Variants in TEX14 observed in about 807,000 individuals in gnomAD.
The protein encoded by TEX14 is testis expressed 14, intercellular bridge forming factor, also known as inactive serine/threonine-protein kinase TEX14.
TEX14 carries 168 observed loss-of-function variants against 178.6 expected under a neutral mutation model. That is an observed-to-expected ratio of 0.94 (90% CI 0.83 to 1.07). The LOEUF (loss-of-function observed/expected upper bound fraction) is 1.07, where lower values mean the gene tolerates loss of function less well. Among genes scored for constraint, TEX14 ranks in the 50% least tolerant of loss-of-function variants. The pLI is 0.00. For missense variants in TEX14, 1,730 were observed against 1,753.6 expected, an observed-to-expected ratio of 0.99 and a Z score of 0.24; for synonymous variants, 626 against 634.1, an observed-to-expected ratio of 0.99 and a Z score of 0.19.
intron 13 of TEX14, among the ~76,000 whole-genome samples, chr17:58,600,177 A>G (rs750109181): frequency 1.3e-5 from 2 of 152,128 alleles, no homozygotes; most frequent in Admixed American, 6.5e-5. Context: ...TTTTCACACA[A>G]AAGAGTTTGA....
chr17:58,649,856 C>T (rs2046802098), intron 2 of TEX14, among the ~76,000 whole-genome samples: 1 of 152,126 alleles, frequency 6.6e-6, no homozygotes, highest in Non-Finnish European at 1.5e-5. Flanking sequence ...TCTCCTGCCT[C>T]GGCCTCCCCA....
intron 29 of TEX14, among the ~76,000 whole-genome samples, chr17:58,560,437 A>C (rs1304441811): frequency 1.3e-5 from 2 of 152,212 alleles, no homozygotes; most frequent in African/African-American, 4.8e-5. Flanking sequence ...CCACTGCCTG[A>C]GCAGCAGTAA....
chr17:58,621,646 T>G lies in TEX14; in HGVS notation c.554+4A>C. On this transcript the variant is annotated splice_donor_region_variant and intron_variant, in intron 5 of 31. Transcript: ENST00000349033. ...TATCCCACTCTGCTCAAGGCAGTAC[T>G]CACCCCTGCACGAGGCCCCCACACC... is the stretch of plus-strand genomic sequence containing the variant. The G allele has an allele frequency of 6.2e-7, 1 of 1,612,348 alleles. No homozygotes were observed. Among genetic ancestry groups the G allele is most frequent in the Non-Finnish European group, 8.5e-7 (1 of 1,179,192 alleles).
chr17:58,585,435 A>T (rs959404190), intron 18 of TEX14, among the ~76,000 whole-genome samples: 1 of 151,696 alleles, frequency 6.6e-6, no homozygotes, highest in Non-Finnish European at 1.5e-5. Context: ...AGAGCTGATA[A>T]CTTTTTTTTA....
At chr17:58,576,427 T>C (rs151022592) in intron 21 of TEX14, among the ~76,000 whole-genome samples, 27 of 151,472 alleles carry the variant, frequency 1.8e-4, no homozygotes, top group African/African-American at 6.6e-4. Context: ...GAGGTTGCAG[T>C]GAGCTGAGAT....
chr17:58,567,175 GAAAAAGGAAA>G (rs367569999), intron 26 of TEX14, among the ~76,000 whole-genome samples: 6 of 152,208 alleles, frequency 3.9e-5, no homozygotes, highest in African/African-American at 1.4e-4. Context: ...CAAAGGAAAG[GAAAAAGGAAA>G]GGAAAGGAAA....
chr17:58,682,477 C>G (rs1030213472), intron 1 of TEX14, among the ~76,000 whole-genome samples: 1 of 151,916 alleles, frequency 6.6e-6, no homozygotes, highest in Non-Finnish European at 1.5e-5. Flanking sequence ...AGGCTGGTCT[C>G]GAACTCCTGA....
At chr17:58,655,284 A>C (rs2046930122) in intron 1 of TEX14, among the ~76,000 whole-genome samples, 1 of 151,924 alleles carries the variant, frequency 6.6e-6, no homozygotes, top group African/African-American at 2.4e-5. Context: ...CCCGGGTTCA[A>C]GCGATTCTCC....
chr17:58,590,881 GT>G (rs763729214), intron 15 of TEX14, among the ~76,000 whole-genome samples: 62 of 144,984 alleles, frequency 4.3e-4, no homozygotes, highest in South Asian at 6.6e-4. Flanking sequence ...AGTTTACAGG[GT>G]TTTTTTTTTT....
intron 3 of TEX14, among the ~76,000 whole-genome samples, chr17:58,623,813 GAGGGA>G (rs2046064626): frequency 7.1e-6 from 1 of 141,838 alleles, no homozygotes; most frequent in South Asian, 2.4e-4. Flanking sequence ...GGAGGAGGGG[GAGGGA>G]AGGGGAGGGG....
chr17:58,574,675 C>CAAA lies in TEX14; in HGVS notation c.3321-429_3321-427dup, dbSNP rs1177255314. Among the ~76,000 whole-genome samples the CAAA allele has an allele frequency of 7.7e-3, 339 of 43,836 alleles. 56 individuals are homozygous for CAAA. The highest frequency in any genetic ancestry group is 0.014 in the African/African-American group (158 of 11,572). 28.8% of individuals were successfully genotyped at this position (43,836 alleles called of 152,430 possible). On this transcript the variant is annotated intron_variant, in intron 21 of 31. Transcript: ENST00000349033. ...GGCAGCAAGAATGAGACTCCATCTC[C>CAAA]AAAAAAAAAAAAAAAAAAAAAAAAA... is the stretch of plus-strand genomic sequence containing the variant.
Position 58,613,471 on chromosome 17 carries a change from CA to C in TEX14, c.954del (p.Val319CysfsTer28), listed in dbSNP as rs1567735799. 1.2e-5 allele frequency: 19 copies of C among 1,614,086 alleles called. No individual in the cohort carries two copies. Among genetic ancestry groups the C allele is most frequent in the Non-Finnish European group, 1.6e-5 (19 of 1,179,996 alleles). On this transcript the variant is annotated frameshift_variant, in exon 9 of 32. Coordinates refer to ENST00000349033, the MANE Select transcript of TEX14 (RefSeq NM_031272.5). LOFTEE classifies it high-confidence loss of function. ...GTGCCGATAGTGATGCGCTCGTACA[CA>C]AGGCGGGTTTTCTCTAGGTCCTGGG... ...CLSQDLEKTR[L>X]VYERITIGTL... is the part of the protein sequence containing the mutation.
intron 1 of TEX14, among the ~76,000 whole-genome samples, chr17:58,659,091 C>T (rs1274935917): frequency 8.8e-6 from 1 of 113,216 alleles, no homozygotes. Context: ...TACAACAACT[C>T]TGAAAATAAA....
At chr17:58,603,418 G>A (rs1388177180) in intron 11 of TEX14, among the ~76,000 whole-genome samples, 1 of 151,854 alleles carries the variant, frequency 6.6e-6, no homozygotes, top group Non-Finnish European at 1.5e-5. Context: ...GCTGGGTGTG[G>A]TGGCGAGCAC....
At chr17:58,641,176 C>T (rs56232691) in intron 2 of TEX14, among the ~76,000 whole-genome samples, 1 of 151,962 alleles carries the variant, frequency 6.6e-6, no homozygotes, top group Non-Finnish European at 1.5e-5. Context: ...TTTGGGAGGC[C>T]GAGGCTGGAG....
intron 1 of TEX14, among the ~76,000 whole-genome samples, chr17:58,682,548 A>G (rs1337680318): frequency 1.3e-5 from 2 of 151,922 alleles, no homozygotes; most frequent in Non-Finnish European, 2.9e-5. Context: ...GTGAGCCACC[A>G]CGACCACTCC....
intron 13 of TEX14, among the ~76,000 whole-genome samples, 172 bp from the exon 14 acceptor site, chr17:58,599,838 G>C (rs1011798615): frequency 6.6e-6 from 1 of 152,286 alleles, no homozygotes; most frequent in Middle Eastern, 3.4e-3. Context: ...AAGGGTGAGG[G>C]AGTATGTGTC....
chr17:58,615,901 C>G (rs1429157993), intron 7 of TEX14, among the ~76,000 whole-genome samples: 4 of 152,234 alleles, frequency 2.6e-5, no homozygotes, highest in Non-Finnish European at 5.9e-5. Context: ...TTGGTTGTCA[C>G]AGCTGTGGGG....
rs368912835 is a variant in TEX14, at chr17:58,618,183, TTG to T, written c.555-566_555-565del. ...TTCCCTGATTCCTGACCCACAGAAATTGTGTGAGATAAAAATTTTATTGTTTG... is the reference window on the plus strand; with the variant it reads ...TTCCCTGATTCCTGACCCACAGAAATTGTGAGATAAAAATTTTATTGTTTG... On this transcript the variant is annotated intron_variant, in intron 5 of 31. Coordinates refer to ENST00000349033, the MANE Select transcript of TEX14 (RefSeq NM_031272.5). 1.9e-4 allele frequency among the ~76,000 whole-genome samples: 29 copies of T among 152,266 alleles called. 1 individual carries two copies. In the South Asian group the frequency reaches 5.6e-3, roughly 29 times the overall value.
Sources: gnomAD v4.1 joint callset for allele counts (sites outside exome capture counted in the v4.1 genomes callset) on GRCh38, gnomAD v4.1.1 for gene constraint, MANE v1.5 for transcripts, NCBI Gene and HGNC (gene_info 2026-07-23, HGNC 2026-07-21) for gene names.